Variants in P2RX3 observed in about 807,000 individuals in gnomAD.
The protein encoded by P2RX3 is P2X purinoceptor 3.
Under a neutral mutation model 51.5 loss-of-function variants are expected in P2RX3, and 41 were observed. The observed-to-expected ratio is 0.80, with a 90% CI of 0.62 to 1.03. P2RX3 has a LOEUF of 1.03. P2RX3 is among the 50% of genes least tolerant of loss of function. The pLI is 0.00. For missense variants in P2RX3, 459 were observed against 522.1 expected, an observed-to-expected ratio of 0.88 and a Z score of 1.18; for synonymous variants, 185 against 191.6, an observed-to-expected ratio of 0.97 and a Z score of 0.29.
Position 57,368,356 on chromosome 11 carries a change from G to GCAAGT in P2RX3, c.937-16_937-15insCAAGT. The GCAAGT allele has an allele frequency of 6.2e-7, 1 of 1,614,090 alleles. No homozygotes were observed. The highest frequency in any genetic ancestry group is 1.6e-4 in the Middle Eastern group (1 of 6,062). ...ATGGGCCCTCTGCCCACTTGCCTTG[G>GCAAGT]TCTTTGTGCACACAGGCTGGCAAGT... On this transcript the variant is annotated splice_polypyrimidine_tract_variant and intron_variant, in intron 9 of 11. Coordinates refer to ENST00000263314, the MANE Select transcript of P2RX3 (RefSeq NM_002559.5).
intron 8 of P2RX3, among the ~76,000 whole-genome samples, chr11:57,356,375 G>A (rs1352709779): frequency 6.6e-6 from 1 of 152,220 alleles, no homozygotes; most frequent in Admixed American, 6.5e-5. Flanking sequence ...ATTTCAAAAT[G>A]CCTGATTTCT....
intron 2 of P2RX3, 38 bp downstream of exon 2, chr11:57,346,717 A>G (rs746348834): frequency 3.1e-6 from 5 of 1,608,896 alleles, no homozygotes; most frequent in Non-Finnish European, 4.2e-6. Flanking sequence ...GTGGATGTCC[A>G]GACACTGGGC....
At chr11:57,358,398 G>A (rs781505950) in intron 8 of P2RX3, among the ~76,000 whole-genome samples, 5 of 152,162 alleles carry the variant, frequency 3.3e-5, no homozygotes, top group Non-Finnish European at 7.4e-5. Context: ...AATCAAGCAA[G>A]TTTTAATATA....
chr11:57,347,122 T>G lies in P2RX3; in HGVS notation c.262T>G (p.Ser88Ala). Residue 88 changes from serine to alanine, a missense_variant, in exon 3 of 12, where the codon TCG becomes GCG. Physicochemically the swap from Ser to Ala is moderately conservative, Grantham distance 99 (BLOSUM62 1). Transcript: ENST00000263314. ...SDYVTPPQGT[S>A]VFVIITKMIV... ...CCCTTCTTCTCCTCCCAAGGGCACC[T>G]CGGTCTTTGTCATCATCACCAAGAT... 3.1e-6 allele frequency: 5 copies of G among 1,613,674 alleles called. No homozygotes were observed. Among genetic ancestry groups the G allele is most frequent in the Non-Finnish European group, 3.4e-6 (4 of 1,179,814 alleles).
intron 1 of P2RX3, among the ~76,000 whole-genome samples, chr11:57,341,449 G>A (rs1479726735): frequency 6.6e-6 from 1 of 151,994 alleles, no homozygotes; most frequent in Non-Finnish European, 1.5e-5. Flanking sequence ...CCCGCCCCTG[G>A]CCTCAGCTGC....
chr11:57,336,133 G>A (rs368273707), upstream of P2RX3, among the ~76,000 whole-genome samples: 3 of 152,184 alleles, frequency 2.0e-5, no homozygotes, highest in East Asian at 5.8e-4. Flanking sequence ...CAGGGGTGGG[G>A]TGGGGGTGTG....
chr11:57,362,308 C>T (rs1272644614), intron 8 of P2RX3, among the ~76,000 whole-genome samples: 1 of 152,186 alleles, frequency 6.6e-6, no homozygotes, highest in South Asian at 2.1e-4. Flanking sequence ...TGGGCCAGGT[C>T]GGGAGGAGTC....
chr11:57,356,014 T>G (rs1856624926), intron 8 of P2RX3, among the ~76,000 whole-genome samples: 1 of 152,032 alleles, frequency 6.6e-6, no homozygotes, highest in Non-Finnish European at 1.5e-5. Flanking sequence ...AAAATAAGAT[T>G]AAAAATTCTA....
chr11:57,356,389 T>G (rs1289896408), intron 8 of P2RX3, among the ~76,000 whole-genome samples: 1 of 152,262 alleles, frequency 6.6e-6, no homozygotes, highest in Non-Finnish European at 1.5e-5. Context: ...GATTTCTTGT[T>G]TCTCCTCTGA....
chr11:57,367,932 G>T, intron 8 of P2RX3, 77 bp from the exon 9 acceptor site: 1 of 1,150,078 alleles, frequency 8.7e-7, no homozygotes, highest in African/African-American at 1.5e-5. Flanking sequence ...AAGACACAGG[G>T]CTCTGGAGGA....
intron 8 of P2RX3, among the ~76,000 whole-genome samples, chr11:57,356,330 G>A (rs1180848578): frequency 6.6e-6 from 1 of 152,218 alleles, no homozygotes; most frequent in African/African-American, 2.4e-5. Context: ...TGGTAGTGAT[G>A]GCTGGTGTGA....
At chr11:57,348,749 G>A (rs765269216) in intron 6 of P2RX3, 45 bp downstream of exon 6, 35 of 1,463,868 alleles carry the variant, frequency 2.4e-5, no homozygotes, top group Admixed American at 2.4e-4. Context: ...AGGCACCCCC[G>A]GCCCTGCCAA....
chr11:57,338,228 G>C (rs1856270313), upstream of P2RX3: 1 of 210,172 alleles, frequency 4.8e-6, no homozygotes, highest in Non-Finnish European at 9.6e-6. Flanking sequence ...ATTAGTCCCA[G>C]AGGGCTCCAG....
At chr11:57,352,089 T>C (rs1415911103) in intron 8 of P2RX3, among the ~76,000 whole-genome samples, 1 of 152,332 alleles carries the variant, frequency 6.6e-6, no homozygotes, top group Admixed American at 6.5e-5. Flanking sequence ...TATATTTGAA[T>C]ATATTCAAAT....
rs758245356 is a variant in P2RX3 at position 57,349,734 on chromosome 11, CCTCT to C, written c.564-16_564-13del. The C allele has an allele frequency of 5.0e-6, 8 of 1,613,712 alleles. No individual in the cohort carries two copies. The highest frequency in any genetic ancestry group is 5.1e-6 in the Non-Finnish European group (6 of 1,179,842). ...GATCTTCCCATGAACCCTGGGCTGACCTCTCTCTCTGCTCCTCCCCAGGGGAAAC... is the reference window on the plus strand; with the variant it reads ...GATCTTCCCATGAACCCTGGGCTGACCTCTCTGCTCCTCCCCAGGGGAAAC... On this transcript the variant is annotated intron_variant, in intron 6 of 11. Coordinates refer to ENST00000263314, the MANE Select transcript of P2RX3 (RefSeq NM_002559.5).
At chr11:57,362,191 C>T (rs1029037685) in intron 8 of P2RX3, among the ~76,000 whole-genome samples, 2 of 152,172 alleles carry the variant, frequency 1.3e-5, no homozygotes, top group African/African-American at 4.8e-5. Flanking sequence ...GCATAGACAT[C>T]TGTGTCTGTG....
chr11:57,367,208 T>C (rs948135338), intron 8 of P2RX3, among the ~76,000 whole-genome samples: 12 of 152,216 alleles, frequency 7.9e-5, no homozygotes, highest in African/African-American at 2.7e-4. Context: ...GACTTTTGTA[T>C]AGTATTCCCA....
intron 7 of P2RX3, chr11:57,350,467 A>G (rs1455440849): frequency 3.4e-6 from 1 of 298,310 alleles, no homozygotes; most frequent in Non-Finnish European, 6.4e-6. Context: ...TATTTTTAGT[A>G]GAGTCAGGGG....
In P2RX3 at chr11:57,371,379, A is replaced by G. The variant is rs1856883537; in HGVS notation, c.*1382A>G. On this transcript the variant is annotated 3_prime_UTR_variant, in exon 12 of 12. Coordinates refer to ENST00000263314, the MANE Select transcript of P2RX3 (RefSeq NM_002559.5). Reference sequence around the variant, plus strand: ...TCATGCAAGTGAATGAGCCTAAAGAATGTTTCAATAGCTTCATGATAAATC... The same window carrying G: ...TCATGCAAGTGAATGAGCCTAAAGAGTGTTTCAATAGCTTCATGATAAATC... Among the ~76,000 whole-genome samples, 1 of 152,244 alleles carries G rather than the reference A, an allele frequency of 6.6e-6. No homozygotes were observed. The highest frequency in any genetic ancestry group is 2.4e-5 in the African/African-American group (1 of 41,468).
Sources: gnomAD v4.1 joint callset for allele counts (sites outside exome capture counted in the v4.1 genomes callset) on GRCh38, gnomAD v4.1.1 for gene constraint, MANE v1.5 for transcripts, NCBI Gene and HGNC (gene_info 2026-07-23, HGNC 2026-07-21) for gene names.